Variants in LAMB1 observed in about 807,000 individuals in gnomAD.
The protein encoded by LAMB1 is laminin subunit beta 1, also known as laminin subunit beta-1.
A neutral mutation model predicts 222.3 loss-of-function variants in LAMB1; 121 were observed. The observed-to-expected ratio is 0.54, with a 90% CI of 0.47 to 0.63. LAMB1 has a LOEUF of 0.63. Ranked by LOEUF, LAMB1 falls within the 30% of genes least tolerant of loss-of-function variation. The pLI, the probability that LAMB1 is intolerant of heterozygous loss-of-function variation, is 0.00. For missense variants in LAMB1, 2,172 were observed against 2,240.8 expected (o/e 0.97, Z 0.62); for synonymous variants, 794 against 807.2 (o/e 0.98, Z 0.28).
Position 107,986,324 on chromosome 7 carries a change from C to A in LAMB1, c.463G>T (p.Asp155Tyr). ...TACACACCCCAGGTTTTCCCAAAGTCGGACGATCGTTCTATCAGCATAGCA... is the reference window on the plus strand; with the variant it reads ...TACACACCCCAGGTTTTCCCAAAGTAGGACGATCGTTCTATCAGCATAGCA... ...PAAMLIERSS[D>Y]FGKTWGVYRY... The change falls in exon 6 of 34, where the codon GAC becomes TAC. Residue 155 changes from aspartate to tyrosine, a missense_variant. Transcript: ENST00000222399. The A allele has an allele frequency of 6.2e-7, 1 of 1,609,274 alleles. No homozygotes were observed. The highest frequency in any genetic ancestry group is 2.2e-5 in the East Asian group (1 of 44,748).
intron 20 of LAMB1, among the ~76,000 whole-genome samples, chr7:107,956,427 T>C (rs2033377596): frequency 6.6e-6 from 1 of 152,242 alleles, no homozygotes; most frequent in Non-Finnish European, 1.5e-5. Context: ...TTGATGCTGC[T>C]GATCTAGGGA....
Position 107,961,639 on chromosome 7 carries a change from T to C in LAMB1, c.1895A>G (p.Gln632Arg). The change falls in exon 16 of 34, where the codon CAG becomes CGG. Residue 632 changes from glutamine (Q) to arginine (R), a missense_variant. By Grantham distance (43) the Gln-to-Arg change is conservative. Coordinates refer to ENST00000222399, the MANE Select transcript of LAMB1 (RefSeq NM_002291.3). ...DHWEKAVITV[Q>R]RPGRIPTSSR... ...GCTGGTTGGAATCCTTCCAGGTCGC[T>C]GCACTGTGATGACAGCTTTTTCCCA... 1 of 1,614,044 alleles carries C rather than the reference T, an allele frequency of 6.2e-7. No individual in the cohort carries two copies.
At chr7:107,964,236 T>C (rs769010594) in intron 14 of LAMB1, among the ~76,000 whole-genome samples, 8 of 152,192 alleles carry the variant, frequency 5.3e-5, no homozygotes, top group Non-Finnish European at 1.2e-4. Flanking sequence ...TGAAAAAATA[T>C]CCTTGCCTCA....
intron 12 of LAMB1, among the ~76,000 whole-genome samples, 192 bp from the exon 13 acceptor site, chr7:107,973,263 G>A (rs2033785762): frequency 6.6e-6 from 1 of 152,224 alleles, no homozygotes; most frequent in East Asian, 1.9e-4. Context: ...GCGTAAGAGA[G>A]CCGTTCACAA....
intron 7 of LAMB1, among the ~76,000 whole-genome samples, chr7:107,984,906 G>A (rs1192112236): frequency 1.3e-5 from 2 of 152,136 alleles, no homozygotes; most frequent in Non-Finnish European, 2.9e-5. Context: ...AAATGTAACT[G>A]GGCATCATCC....
intron 4 of LAMB1, among the ~76,000 whole-genome samples, chr7:107,998,041 GC>G (rs1218228543): frequency 6.6e-6 from 1 of 152,102 alleles, no homozygotes; most frequent in Non-Finnish European, 1.5e-5. Context: ...AAGAATAAGG[GC>G]CTGAGATAGT....
At chr7:107,954,102 T>C (rs2033322735) in intron 21 of LAMB1, among the ~76,000 whole-genome samples, 1 of 152,118 alleles carries the variant, frequency 6.6e-6, no homozygotes, top group African/African-American at 2.4e-5. Flanking sequence ...GTGGAGCATG[T>C]TGGGAGCAAA....
At chr7:107,988,792 G>C (rs1474185062) in intron 5 of LAMB1, among the ~76,000 whole-genome samples, 1 of 152,158 alleles carries the variant, frequency 6.6e-6, no homozygotes, top group Non-Finnish European at 1.5e-5. Context: ...GAAGACACAG[G>C]GAGAAGACAG....
intron 5 of LAMB1, among the ~76,000 whole-genome samples, chr7:107,992,850 G>A (rs1461423413): frequency 6.6e-6 from 1 of 152,120 alleles, no homozygotes; most frequent in East Asian, 1.9e-4. Context: ...AGCCAAGATT[G>A]CACCACTGCA....
chr7:107,962,646 G>T (rs955891161), intron 15 of LAMB1, among the ~76,000 whole-genome samples: 8 of 150,902 alleles, frequency 5.3e-5, no homozygotes, highest in Non-Finnish European at 1.2e-4. Flanking sequence ...CCCGGGAGGC[G>T]GAGATTGCAG....
chr7:107,993,171 T>C (rs2150451725), intron 5 of LAMB1, among the ~76,000 whole-genome samples: 1 of 152,272 alleles, frequency 6.6e-6, no homozygotes, highest in Middle Eastern at 3.4e-3. Flanking sequence ...TCTCACCCTG[T>C]CACCCAGGCT....
At chr7:107,991,381 A>C (rs1250401155) in intron 5 of LAMB1, among the ~76,000 whole-genome samples, 3 of 152,230 alleles carry the variant, frequency 2.0e-5, no homozygotes, top group African/African-American at 7.2e-5. Context: ...TGAGGTCAGG[A>C]GTTTGAGACC....
chr7:107,959,282 C>T lies in LAMB1; in HGVS notation c.2657G>A (p.Cys886Tyr). 1 of 1,614,148 alleles carries T rather than the reference C, an allele frequency of 6.2e-7. No individual in the cohort carries two copies. Among genetic ancestry groups the T allele is most frequent in the East Asian group, 2.2e-5 (1 of 44,880 alleles). ...GTTATGACCCATGGTGTAGTCCTGG[C>T]AGTTCAAGCACTCCCCAGTCACTGG... is the stretch of plus-strand genomic sequence containing the variant. ...CDPVTGECLN[C>Y]QDYTMGHNCE... The change falls in exon 20 of 34, where the codon TGC becomes TAC. Residue 886 changes from cysteine (C) to tyrosine (Y), a missense_variant. Transcript: ENST00000222399.
At chr7:107,983,295 T>C (rs2034009334) in intron 7 of LAMB1, among the ~76,000 whole-genome samples, 1 of 152,126 alleles carries the variant, frequency 6.6e-6, no homozygotes, top group African/African-American at 2.4e-5. Context: ...TGGTTAAAAA[T>C]AGGGCCTTGT....
At chr7:107,984,664 G>C (rs575228749) in intron 7 of LAMB1, among the ~76,000 whole-genome samples, 1 of 152,184 alleles carries the variant, frequency 6.6e-6, no homozygotes, top group Non-Finnish European at 1.5e-5. Context: ...TGGAAACATG[G>C]ATGGCCTTAT....
chr7:107,972,902 T>G, intron 13 of LAMB1, 90 bp downstream of exon 13: 2 of 1,046,394 alleles, frequency 1.9e-6, no homozygotes, highest in Non-Finnish European at 3.0e-6. Flanking sequence ...TTGCATGTCT[T>G]TTTGAGAAAC....
At chr7:107,983,493 C>T (rs75205671) in intron 7 of LAMB1, among the ~76,000 whole-genome samples, 7,539 of 149,830 alleles carry the variant, frequency 0.05, 194 homozygotes, top group Middle Eastern at 0.079. Context: ...ATGTACTGAA[C>T]ACATTTATGA....
chr7:107,935,715 A>G (rs2032832744), intron 26 of LAMB1, 59 bp from the exon 27 acceptor site: 2 of 1,575,978 alleles, frequency 1.3e-6, no homozygotes, highest in Admixed American at 1.7e-5. Context: ...TTCCTCCCCA[A>G]GCAGTGTCTA....
intron 14 of LAMB1, among the ~76,000 whole-genome samples, chr7:107,963,342 G>A (rs890133876): frequency 1.3e-5 from 2 of 152,072 alleles, no homozygotes; most frequent in Non-Finnish European, 2.9e-5. Context: ...AGGAGAGTAA[G>A]CATAAAAGAA....
Sources: allele counts gnomAD v4.1 joint callset (sites outside exome capture counted in the v4.1 genomes callset), GRCh38; gene constraint gnomAD v4.1.1; transcripts MANE v1.5; gene names NCBI Gene and HGNC (gene_info 2026-07-23, HGNC 2026-07-21).